The following IQCJ variants were observed in gnomAD, a reference collection of about 807,000 sequenced individuals.
IQCJ encodes IQ domain-containing protein J.
A neutral mutation model predicts 11.0 loss-of-function variants in IQCJ; 9 were observed. The observed-to-expected ratio is 0.82, with a 90% CI of 0.49 to 1.43. The LOEUF (loss-of-function observed/expected upper bound fraction) is 1.43. Among genes scored for constraint, IQCJ ranks in the 40% most tolerant of loss-of-function variants. The probability of loss-of-function intolerance (pLI) is 0.00; values close to 1 mark genes in which losing one functional copy is unlikely to be tolerated. For missense variants in IQCJ, 146 were observed against 133.2 expected, an observed-to-expected ratio of 1.10 and a Z score of -0.47; for synonymous variants, 55 against 51.3, an observed-to-expected ratio of 1.07 and a Z score of -0.31.
intron 1 of IQCJ, among the ~76,000 whole-genome samples, chr3:159,187,545 C>T (rs531302297): frequency 2.9e-4 from 44 of 152,384 alleles, no homozygotes; most frequent in African/African-American, 8.7e-4. Context: ...GTGCACCATG[C>T]TCCGCGCGGT....
At chr3:159,260,352 G>T (rs1219584900) in intron 3 of IQCJ, among the ~76,000 whole-genome samples, 1 of 152,152 alleles carries the variant, frequency 6.6e-6, no homozygotes. Flanking sequence ...AGGGAAAAAA[G>T]GACAGTGTAG....
intron 2 of IQCJ, among the ~76,000 whole-genome samples, chr3:159,249,370 TC>T (rs2108206831): frequency 6.6e-6 from 1 of 152,312 alleles, no homozygotes; most frequent in Admixed American, 6.5e-5. Flanking sequence ...GCTAAAACTT[TC>T]TGGAAATGAC....
intron 3 of IQCJ, 106 bp from the exon 4 acceptor site, chr3:159,262,442 C>A (rs1303101671): frequency 2.0e-6 from 3 of 1,496,406 alleles, no homozygotes; most frequent in Non-Finnish European, 1.8e-6. Context: ...CTTCCCTTGG[C>A]ACCAAAGCCA....
intron 1 of IQCJ, among the ~76,000 whole-genome samples, chr3:159,115,794 C>A (rs528885469): frequency 6.6e-5 from 10 of 152,052 alleles, no homozygotes; most frequent in Non-Finnish European, 1.3e-4. Context: ...GCATTCTCAG[C>A]AAACTAACAC....
chr3:159,142,839 TTTGA>T (rs761345062), intron 1 of IQCJ, among the ~76,000 whole-genome samples: 5 of 152,208 alleles, frequency 3.3e-5, no homozygotes, highest in Admixed American at 6.5e-5. Flanking sequence ...GTCTTAATAA[TTTGA>T]TTATTACAAT....
chr3:159,191,355 C>T (rs1328013505), intron 1 of IQCJ, among the ~76,000 whole-genome samples: 2 of 152,116 alleles, frequency 1.3e-5, no homozygotes, highest in East Asian at 3.9e-4. Flanking sequence ...TCTTGGTTTA[C>T]AGACTGAGGA....
chr3:159,196,366 G>T (rs1723981841), intron 1 of IQCJ, among the ~76,000 whole-genome samples: 1 of 152,172 alleles, frequency 6.6e-6, no homozygotes, highest in Non-Finnish European at 1.5e-5. Context: ...TAGGTCTTTA[G>T]TGTCTTTCTT....
rs190894488 is a variant in IQCJ at position 159,243,538 on chromosome 3, T to C, written c.10-2305T>C. 2.9e-3 allele frequency among the ~76,000 whole-genome samples: 448 copies of C among 152,256 alleles called. 2 individuals carry two copies. The highest frequency in any genetic ancestry group is 4.8e-3 in the Non-Finnish European group (328 of 68,012). On this transcript the variant is annotated intron_variant, in intron 1 of 3. Coordinates refer to ENST00000397832, the MANE Select transcript of IQCJ (RefSeq NM_001042706.3). ...GGACACAAAAGAATAGATAAATTTA[T>C]ACGAAAGTCTAGAACAGGCAAAACT...
At chr3:159,227,515 A>C (rs903025249) in intron 1 of IQCJ, among the ~76,000 whole-genome samples, 2 of 152,200 alleles carry the variant, frequency 1.3e-5, no homozygotes, top group Non-Finnish European at 2.9e-5. Flanking sequence ...GTAAGTTATT[A>C]TAATGGACTC....
chr3:159,084,301 T>C lies in IQCJ; in HGVS notation c.9+14860T>C, dbSNP rs150843930. Among the ~76,000 whole-genome samples, 543 of 151,252 alleles carry C rather than the reference T, an allele frequency of 3.6e-3. 5 individuals carry two copies. The highest frequency in any genetic ancestry group is 0.012 in the African/African-American group (515 of 41,264). The stretch of plus-strand genomic sequence containing the variant: ...GTGTACTAAAAGAAGATAAATTCGG[T>C]TTGGAAATGTTGAGTTTGAGAAGCT... On this transcript the variant is annotated intron_variant, in intron 1 of 3. Coordinates refer to ENST00000397832, the MANE Select transcript of IQCJ (RefSeq NM_001042706.3).
intron 1 of IQCJ, among the ~76,000 whole-genome samples, chr3:159,109,144 T>C (rs898704076): frequency 6.6e-6 from 1 of 152,250 alleles, no homozygotes; most frequent in Admixed American, 6.5e-5. Flanking sequence ...CCAGGTTGAA[T>C]AAATCTTGCA....
chr3:159,071,916 C>T (rs1222299359), intron 1 of IQCJ, among the ~76,000 whole-genome samples: 1 of 152,034 alleles, frequency 6.6e-6, no homozygotes, highest in African/African-American at 2.4e-5. Context: ...TCTTAACAAA[C>T]ATTTTATTTT....
intron 1 of IQCJ, among the ~76,000 whole-genome samples, chr3:159,146,961 AAAAT>A (rs577846999): frequency 1.6e-3 from 246 of 152,366 alleles, no homozygotes; most frequent in African/African-American, 5.7e-3. Context: ...GTCAGTTATT[AAAAT>A]AAATGAACAA....
At chr3:159,182,329 G>A (rs1723135994) in intron 1 of IQCJ, among the ~76,000 whole-genome samples, 1 of 151,912 alleles carries the variant, frequency 6.6e-6, no homozygotes, top group Non-Finnish European at 1.5e-5. Flanking sequence ...TCTCCACATG[G>A]GAGCTCTGAA....
chr3:159,179,910 A>G (rs1722997696), intron 1 of IQCJ, among the ~76,000 whole-genome samples: 1 of 152,184 alleles, frequency 6.6e-6, no homozygotes, highest in Non-Finnish European at 1.5e-5. Context: ...TCTCAAGTAG[A>G]TTAAGATATA....
chr3:159,183,803 C>G (rs1723229758), intron 1 of IQCJ, among the ~76,000 whole-genome samples: 1 of 152,120 alleles, frequency 6.6e-6, no homozygotes, highest in African/African-American at 2.4e-5. Context: ...AAATGTCTCA[C>G]AGTAATCTTC....
At chr3:159,235,279 G>T (rs1053223740) in intron 1 of IQCJ, among the ~76,000 whole-genome samples, 1 of 152,160 alleles carries the variant, frequency 6.6e-6, no homozygotes, top group Admixed American at 6.5e-5. Flanking sequence ...ATTGAGCAAA[G>T]AGACCACTTA....
intron 1 of IQCJ, among the ~76,000 whole-genome samples, chr3:159,234,937 G>A (rs1260882953): frequency 6.6e-6 from 1 of 152,130 alleles, no homozygotes; most frequent in Non-Finnish European, 1.5e-5. Flanking sequence ...ACAACAAAAT[G>A]CATTCCAGAA....
In IQCJ at chr3:159,252,795, C is replaced by G; in HGVS notation, c.143C>G (p.Ser48Ter). 1 of 1,611,154 alleles carries G rather than the reference C, an allele frequency of 6.2e-7. No individual in the cohort carries two copies. Among genetic ancestry groups the G allele is most frequent in the Non-Finnish European group, 8.5e-7 (1 of 1,178,558 alleles). ...CCCCTCAATCTACAGCCCTTGGAATCAAAGGTGAAAATGTAAGTTATTTCA... is the reference window on the plus strand; with the variant it reads ...CCCCTCAATCTACAGCCCTTGGAATGAAAGGTGAAAATGTAAGTTATTTCA... ...KYPLNLQPLE[S>*]KVKIIQRAWR... Residue 48 changes from serine (S) to a stop codon, truncating the protein, a stop_gained, in exon 3 of 4, where the codon TCA becomes TGA. Transcript: ENST00000397832. LOFTEE classifies it high-confidence loss of function.
Sources: allele counts gnomAD v4.1 joint callset (sites outside exome capture counted in the v4.1 genomes callset), GRCh38; gene constraint gnomAD v4.1.1; transcripts MANE v1.5; gene names NCBI Gene and HGNC (gene_info 2026-07-23, HGNC 2026-07-21).